The following RSBN1L variants were observed in gnomAD, a reference collection of about 807,000 sequenced individuals.
RSBN1L encodes the protein lysine-specific demethylase RSBN1L.
A neutral mutation model predicts 67.7 loss-of-function variants in RSBN1L; 30 were observed. The observed-to-expected ratio is 0.44, with a 90% CI of 0.33 to 0.60. RSBN1L has a LOEUF of 0.60. RSBN1L is among the 20% of genes least tolerant of loss of function. RSBN1L has a pLI of 0.02. For missense variants in RSBN1L, 992 were observed against 1,031.7 expected (o/e 0.96, Z 0.53); for synonymous variants, 433 against 387.0 (o/e 1.12, Z -1.39).
At chr7:77,708,467 C>T (rs12539065) in intron 1 of RSBN1L, among the ~76,000 whole-genome samples, 86,592 of 150,802 alleles carry the variant, frequency 0.57, 26,713 homozygotes, top group African/African-American at 0.81. Flanking sequence ...CTGCAAGCTC[C>T]GCCTCCTGGG....
chr7:77,730,707 TCTTTGCATGGCTTGATAG>T (rs1424792485), intron 1 of RSBN1L, among the ~76,000 whole-genome samples: 1 of 152,232 alleles, frequency 6.6e-6, no homozygotes, highest in Non-Finnish European at 1.5e-5. Context: ...TTCCTCCATG[TCTTTGCATGGCTTGATAG>T]CTCACTTCTT....
chr7:77,771,272 T>A (rs4729727), intron 5 of RSBN1L, among the ~76,000 whole-genome samples: 2 of 151,592 alleles, frequency 1.3e-5, no homozygotes, highest in Non-Finnish European at 2.9e-5. Context: ...CGGTTTTAGC[T>A]GTTACAGTGA....
At chr7:77,734,578 T>G (rs1416194307) in intron 1 of RSBN1L, among the ~76,000 whole-genome samples, 2 of 151,652 alleles carry the variant, frequency 1.3e-5, no homozygotes, top group Non-Finnish European at 2.9e-5. Context: ...AACCTCCACC[T>G]CCCGGGTTCA....
At chr7:77,735,974 T>C (rs114997403) in intron 1 of RSBN1L, among the ~76,000 whole-genome samples, 3,052 of 152,194 alleles carry the variant, frequency 0.02, 89 homozygotes, top group African/African-American at 0.069. Context: ...TTAGTCCTTA[T>C]AGTAACCATA....
At position 77,712,674 on chromosome 7, in the gene RSBN1L, A is replaced by G. The variant is rs546048628; in HGVS notation, c.586+15619A>G. Among the ~76,000 whole-genome samples the G allele has an allele frequency of 1.4e-4, 21 of 152,286 alleles. No individual in the cohort carries two copies. The South Asian group carries it at 1.9e-3, about 14-fold the overall frequency. On this transcript the variant is annotated intron_variant, in intron 1 of 7. Coordinates refer to ENST00000334955, the MANE Select transcript of RSBN1L (RefSeq NM_198467.3). ...ATATTAGAAATACTGTTCCATGTCAATATGTGTAGAACTATATTATCAATT... is the reference window on the plus strand; with the variant it reads ...ATATTAGAAATACTGTTCCATGTCAGTATGTGTAGAACTATATTATCAATT...
chr7:77,770,646 A>C (rs1265222111), intron 5 of RSBN1L, among the ~76,000 whole-genome samples: 1 of 152,210 alleles, frequency 6.6e-6, no homozygotes, highest in South Asian at 2.1e-4. Flanking sequence ...ACATCACTGC[A>C]CTCCAGCCTG....
Position 77,696,462 on chromosome 7 carries a change from A to G in RSBN1L, c.-8A>G, listed in dbSNP as rs780324656. ...AGCGGAGGAGAGTAAATACAACAGGAGCGCAAAATGGCGGAACCGCCGAGC... is the reference window on the plus strand; with the variant it reads ...AGCGGAGGAGAGTAAATACAACAGGGGCGCAAAATGGCGGAACCGCCGAGC... On this transcript the variant is annotated 5_prime_UTR_variant, in exon 1 of 8. Transcript: ENST00000334955. 3.1e-6 allele frequency: 5 copies of G among 1,600,164 alleles called. No homozygotes were observed. The highest frequency in any genetic ancestry group is 2.2e-5 in the South Asian group (2 of 89,750).
intron 1 of RSBN1L, among the ~76,000 whole-genome samples, chr7:77,731,235 G>A (rs944236159): frequency 4.0e-5 from 6 of 151,602 alleles, no homozygotes; most frequent in Non-Finnish European, 1.5e-5. Context: ...TTTTTTTGAG[G>A]CAGGGTCTCA....
chr7:77,765,356 A>C (rs547357532), intron 3 of RSBN1L, 139 bp from the exon 4 acceptor site: 14 of 665,122 alleles, frequency 2.1e-5, no homozygotes, highest in Non-Finnish European at 4.5e-6. Flanking sequence ...TTGCCTCATT[A>C]TGATATAATA....
In RSBN1L at chr7:77,779,018, A is replaced by T. The variant is rs1791957831; in HGVS notation, c.2391A>T (p.Glu797Asp). The T allele has an allele frequency of 6.2e-7, 1 of 1,614,002 alleles. No homozygotes were observed. Among genetic ancestry groups the T allele is most frequent in the South Asian group, 1.1e-5 (1 of 91,084 alleles). ...AATTGGATCATGTTCAATTTGCAGA[A>T]TTTAAGATTGACATGGATTCTAAAT... ...KAKLDHVQFA[E>D]FKIDMDSKFE... is the part of the protein sequence containing the mutation. Residue 797 changes from glutamate (E) to aspartate (D), a missense_variant, in exon 8 of 8, where the codon GAA becomes GAT. Coordinates refer to ENST00000334955, the MANE Select transcript of RSBN1L (RefSeq NM_198467.3).
chr7:77,738,055 T>G (rs1485010613), intron 2 of RSBN1L, among the ~76,000 whole-genome samples: 2 of 151,850 alleles, frequency 1.3e-5, no homozygotes, highest in African/African-American at 4.8e-5. Context: ...AAGTCAAGTC[T>G]ACTTAACTTT....
In RSBN1L at chr7:77,779,756, G is replaced by A. The variant is rs1366529220; in HGVS notation, c.*588G>A. ...TGGTATATCTATTTAGTGTGGTATT[G>A]TAGTGCAAATGTACGTAATTCAAAT... is the stretch of plus-strand genomic sequence containing the variant. On this transcript the variant is annotated 3_prime_UTR_variant, in exon 8 of 8. Transcript: ENST00000334955. The A allele has an allele frequency of 3.3e-5, 5 of 150,198 alleles. No homozygotes were observed. In the South Asian group the frequency reaches 8.4e-4, roughly 25 times the overall value. 9.3% of individuals were successfully genotyped at this position (150,198 alleles called of 1,614,324 possible). A position where few individuals can be genotyped will look rare whatever the true frequency, so the allele number is the denominator to read the frequency against.
chr7:77,781,657 C>CT lies in RSBN1L; in HGVS notation c.*2491dup, dbSNP rs1375563071. Reference sequence around the variant, plus strand: ...GTTTCCTATATAACCTATAGTCAGACTTATCTATAATATGAAAATTTAATT... The same window carrying CT: ...GTTTCCTATATAACCTATAGTCAGACTTTATCTATAATATGAAAATTTAATT... On this transcript the variant is annotated 3_prime_UTR_variant, in exon 8 of 8. Transcript: ENST00000334955. 6.6e-6 allele frequency: 1 copy of CT among 152,032 alleles called. No homozygotes were observed. Among genetic ancestry groups the CT allele is most frequent in the Non-Finnish European group, 1.5e-5 (1 of 68,000 alleles). The allele number at this position is 152,032 out of a possible 1,614,324, so 9.4% of individuals were successfully genotyped here.
At chr7:77,702,372 A>C (rs1252365623) in intron 1 of RSBN1L, among the ~76,000 whole-genome samples, 1 of 152,286 alleles carries the variant, frequency 6.6e-6, no homozygotes, top group South Asian at 2.1e-4. Context: ...TTCCTCTTCA[A>C]GGATATTAAT....
At chr7:77,765,080 G>A (rs1027088321) in intron 3 of RSBN1L, among the ~76,000 whole-genome samples, 34 of 152,162 alleles carry the variant, frequency 2.2e-4, no homozygotes, top group African/African-American at 8.0e-4. Flanking sequence ...TGTTTTCAGA[G>A]GGTCTAATTT....
At chr7:77,720,556 T>C (rs529940156) in intron 1 of RSBN1L, among the ~76,000 whole-genome samples, 42 of 152,040 alleles carry the variant, frequency 2.8e-4, no homozygotes, top group Non-Finnish European at 5.1e-4. Flanking sequence ...CGAAACTCCG[T>C]TAAAAAAAAA....
intron 1 of RSBN1L, among the ~76,000 whole-genome samples, chr7:77,701,742 C>T (rs1431349783): frequency 1.3e-5 from 2 of 151,218 alleles, no homozygotes; most frequent in Non-Finnish European, 2.9e-5. Context: ...GTCTCTGCCT[C>T]CTGGGTTCAA....
chr7:77,773,074 TATGTG>T (rs1315936326), intron 5 of RSBN1L, 68 bp from the exon 6 acceptor site: 1 of 771,872 alleles, frequency 1.3e-6, no homozygotes, highest in Non-Finnish European at 2.0e-6. Context: ...TTGTCTGAAT[TATGTG>T]ATTATTGAAT....
chr7:77,703,477 GTTTTTTTTTT>G (rs71529102), intron 1 of RSBN1L, among the ~76,000 whole-genome samples: 210 of 61,606 alleles, frequency 3.4e-3, no homozygotes, highest in African/African-American at 0.012. Context: ...TACTGTTTGG[GTTTTTTTTTT>G]TTTTTTTTTT....
Sources: allele counts gnomAD v4.1 joint callset (sites outside exome capture counted in the v4.1 genomes callset), GRCh38; gene constraint gnomAD v4.1.1; transcripts MANE v1.5; gene names NCBI Gene and HGNC (gene_info 2026-07-23, HGNC 2026-07-21).